SLIT2: variants seen among roughly 807,000 people sequenced by gnomAD.
SLIT2 encodes the protein slit guidance ligand 2, also known as slit homolog 2 protein.
Under a neutral mutation model 185.7 loss-of-function variants are expected in SLIT2, and 41 were observed. That is an observed-to-expected ratio of 0.22 (90% CI 0.17 to 0.29). The LOEUF is 0.29. Among genes scored for constraint, SLIT2 ranks in the 10% least tolerant of loss-of-function variants. SLIT2 has a pLI of 1.00. For synonymous variants in SLIT2, 693 were observed against 680.2 expected (o/e 1.02, Z -0.29); for missense variants, 1,571 against 1,909.0 (o/e 0.82, Z 3.30).
rs149154753 is a variant in SLIT2, at chr4:20,462,222, C to G, written c.396-5530C>G. Among the ~76,000 whole-genome samples, 50 of 152,228 alleles carry G rather than the reference C, an allele frequency of 3.3e-4. No homozygotes were observed. In the East Asian group the frequency reaches 8.3e-3, roughly 25 times the overall value. ...TGGGATGAGCTTCAGAATGGGGAAG[C>G]CTTTCCAGCTCCCCTCATTTCTCTA... On this transcript the variant is annotated intron_variant, in intron 4 of 36. Transcript: ENST00000504154.
At chr4:20,439,756 A>G (rs959597658) in intron 4 of SLIT2, among the ~76,000 whole-genome samples, 4 of 152,190 alleles carry the variant, frequency 2.6e-5, no homozygotes, top group Non-Finnish European at 5.9e-5. Context: ...TAAAACTCAC[A>G]ATCTACTAAT....
In SLIT2 at chr4:20,600,614, C is replaced by T. The variant is rs568971950; in HGVS notation, c.3692+2219C>T. ...ATCTTTTTTGTATTTTTAGTAAAGA[C>T]GTGGTTTCACCGTGTTAGCCAGGAT... On this transcript the variant is annotated intron_variant, in intron 33 of 36. Coordinates refer to ENST00000504154, the MANE Select transcript of SLIT2 (RefSeq NM_004787.4). 6.6e-5 allele frequency among the ~76,000 whole-genome samples: 10 copies of T among 151,690 alleles called. No homozygotes were observed. In the East Asian group the frequency reaches 1.2e-3, roughly 18 times the overall value.
chr4:20,390,571 C>CT (rs1725331454), intron 4 of SLIT2, among the ~76,000 whole-genome samples: 1 of 152,056 alleles, frequency 6.6e-6, no homozygotes, highest in African/African-American at 2.4e-5. Context: ...TCCTATGGCA[C>CT]TGTCGGCCTG....
At chr4:20,543,512 T>C (rs1414588139) in intron 21 of SLIT2, among the ~76,000 whole-genome samples, 1 of 152,186 alleles carries the variant, frequency 6.6e-6, no homozygotes, top group Non-Finnish European at 1.5e-5. Context: ...TGTGGAACTA[T>C]GGATCAATAA....
intron 4 of SLIT2, among the ~76,000 whole-genome samples, chr4:20,366,417 G>GT (rs760276390): frequency 4.6e-5 from 7 of 152,088 alleles, no homozygotes; most frequent in Non-Finnish European, 2.9e-5. Context: ...CCACATTTCT[G>GT]TTTTTTGACC....
chr4:20,475,013 A>G (rs1396370165), intron 5 of SLIT2, among the ~76,000 whole-genome samples: 1 of 151,768 alleles, frequency 6.6e-6, no homozygotes, highest in East Asian at 1.9e-4. Context: ...TAGGAATTAC[A>G]GACTCTTTCC....
rs940145573 is a variant in SLIT2, at chr4:20,252,080, C to A, written c.-1736C>A. Reference sequence around the variant, plus strand: ...GCGCCCAGGCGCAGGCCGAAGCTGCCGCGCTTTCTGGGCACGGCGGGAGTG... The same window carrying A: ...GCGCCCAGGCGCAGGCCGAAGCTGCAGCGCTTTCTGGGCACGGCGGGAGTG... On this transcript the variant is annotated 5_prime_UTR_variant, in exon 1 of 37. Coordinates refer to ENST00000504154, the MANE Select transcript of SLIT2 (RefSeq NM_004787.4). Among the ~76,000 whole-genome samples the A allele has an allele frequency of 6.6e-6, 1 of 152,114 alleles. No individual in the cohort carries two copies. The highest frequency in any genetic ancestry group is 2.4e-5 in the African/African-American group (1 of 41,446).
chr4:20,278,846 G>A (rs904608434), intron 4 of SLIT2, among the ~76,000 whole-genome samples: 6 of 151,746 alleles, frequency 4.0e-5, no homozygotes, highest in African/African-American at 9.7e-5. Context: ...AGGGGGAAGC[G>A]AGAGGTGGGC....
At chr4:20,536,682 T>C (rs550703720) in intron 18 of SLIT2, among the ~76,000 whole-genome samples, 49 of 152,040 alleles carry the variant, frequency 3.2e-4, no homozygotes, top group African/African-American at 1.1e-3. Context: ...ACTTTTTTAC[T>C]TTATGAACTT....
chr4:20,340,274 C>T (rs1720855541), intron 4 of SLIT2, among the ~76,000 whole-genome samples: 1 of 152,112 alleles, frequency 6.6e-6, no homozygotes, highest in Admixed American at 6.5e-5. Context: ...TGTTTCCCTT[C>T]TGTACTACCT....
rs1465179053 is a variant in SLIT2 at position 20,553,815 on chromosome 4, G to A, written c.2572G>A (p.Ala858Thr). ...LSALSHLAIG[A>T]NPLYCDCNMQ... ...GTGTTGTTTTTCCAGAGCAATTGGAGCCAACCCTCTTTACTGTGATTGTAA... is the reference window on the plus strand; with the variant it reads ...GTGTTGTTTTTCCAGAGCAATTGGAACCAACCCTCTTTACTGTGATTGTAA... Residue 858 changes from alanine to threonine, a missense_variant, in exon 26 of 37, where the codon GCC becomes ACC. Ala to Thr is a moderately conservative substitution (Grantham distance 58, BLOSUM62 0). Transcript: ENST00000504154. 6.3e-7 allele frequency: 1 copy of A among 1,577,402 alleles called. No homozygotes were observed. The highest frequency in any genetic ancestry group is 8.6e-7 in the Non-Finnish European group (1 of 1,166,736).
chr4:20,317,318 A>G (rs1312679275), intron 4 of SLIT2, among the ~76,000 whole-genome samples: 1 of 149,772 alleles, frequency 6.7e-6, no homozygotes, highest in Non-Finnish European at 1.5e-5. Context: ...AAGAAAAAAA[A>G]ACAAAACTGA....
At chr4:20,577,196 A>G (rs1160836207) in intron 29 of SLIT2, among the ~76,000 whole-genome samples, 2 of 152,172 alleles carry the variant, frequency 1.3e-5, no homozygotes. Context: ...AAGAACATTA[A>G]TAATATAATA....
chr4:20,499,629 C>T (rs1234270232), intron 9 of SLIT2, among the ~76,000 whole-genome samples: 1 of 152,100 alleles, frequency 6.6e-6, no homozygotes, highest in Non-Finnish European at 1.5e-5. Context: ...GCTGGGACTA[C>T]AGGCGCCCCC....
At chr4:20,492,813 G>C (rs1425736916) in intron 9 of SLIT2, among the ~76,000 whole-genome samples, 2 of 152,040 alleles carry the variant, frequency 1.3e-5, no homozygotes, top group East Asian at 3.9e-4. Flanking sequence ...ATTTAATTAT[G>C]ATAATAAAGT....
At chr4:20,367,224 T>C (rs1040604692) in intron 4 of SLIT2, among the ~76,000 whole-genome samples, 2 of 152,200 alleles carry the variant, frequency 1.3e-5, no homozygotes, top group African/African-American at 2.4e-5. Context: ...AAAATAGTTA[T>C]TGCTTGCTTA....
intron 29 of SLIT2, among the ~76,000 whole-genome samples, chr4:20,573,740 G>A (rs958540216): frequency 4.4e-4 from 67 of 152,080 alleles, no homozygotes; most frequent in Admixed American, 3.3e-4. Flanking sequence ...ATTTGAAGGT[G>A]TATACATTTA....
At chr4:20,280,840 T>G (rs1170282686) in intron 4 of SLIT2, among the ~76,000 whole-genome samples, 1 of 151,726 alleles carries the variant, frequency 6.6e-6, no homozygotes, top group Non-Finnish European at 1.5e-5. Flanking sequence ...AATGTTTTTT[T>G]TTTTTTTTTG....
intron 4 of SLIT2, among the ~76,000 whole-genome samples, chr4:20,448,915 C>T (rs142851213): frequency 6.6e-6 from 1 of 152,152 alleles, no homozygotes; most frequent in Admixed American, 6.5e-5. Context: ...GGATTACAGG[C>T]GTGGGCCACA....
Sources: allele counts gnomAD v4.1 joint callset (sites outside exome capture counted in the v4.1 genomes callset), GRCh38; gene constraint gnomAD v4.1.1; transcripts MANE v1.5; gene names NCBI Gene and HGNC (gene_info 2026-07-23, HGNC 2026-07-21).